The following SPOP variants were observed in gnomAD, a reference collection of about 807,000 sequenced individuals.
The protein encoded by SPOP is speckle type BTB/POZ protein.
A neutral mutation model predicts 45.6 loss-of-function variants in SPOP; 11 were observed. The observed-to-expected ratio is 0.24, with a 90% CI of 0.15 to 0.40. The LOEUF (loss-of-function observed/expected upper bound fraction) is 0.40. Among genes scored for constraint, SPOP ranks in the 10% least tolerant of loss-of-function variants. SPOP has a pLI of 1.00. For synonymous variants in SPOP, 166 were observed against 166.3 expected, an observed-to-expected ratio of 1.00 and a Z score of 0.01; for missense variants, 152 against 465.6, an observed-to-expected ratio of 0.33 and a Z score of 6.20.
chr17:49,661,353 A>C (rs2072985426), intron 1 of SPOP, among the ~76,000 whole-genome samples: 1 of 152,128 alleles, frequency 6.6e-6, no homozygotes, highest in South Asian at 2.1e-4. Flanking sequence ...TATGCTCTTC[A>C]TCATTTTCAG....
intron 1 of SPOP, among the ~76,000 whole-genome samples, chr17:49,626,061 T>G (rs2072324307): frequency 6.6e-6 from 1 of 152,228 alleles, no homozygotes; most frequent in South Asian, 2.1e-4. Context: ...CACACATCTC[T>G]GGTTTATAAT....
At chr17:49,618,406 G>A (rs1395364387) in intron 5 of SPOP, 4 of 369,710 alleles carry the variant, frequency 1.1e-5, no homozygotes, top group African/African-American at 2.1e-5. Flanking sequence ...GGTCACTGGT[G>A]AGAGGACTTT....
intron 1 of SPOP, among the ~76,000 whole-genome samples, chr17:49,667,318 G>A (rs1004153955): frequency 1.3e-5 from 2 of 148,760 alleles, no homozygotes; most frequent in Non-Finnish European, 3.0e-5. Flanking sequence ...GGCCAGGTAC[G>A]GTGGCTCACG....
At chr17:49,632,075 A>G (rs1293165122) in intron 1 of SPOP, among the ~76,000 whole-genome samples, 1 of 152,188 alleles carries the variant, frequency 6.6e-6, no homozygotes, top group Non-Finnish European at 1.5e-5. Context: ...TATTTGTTCA[A>G]TGAAATTTTG....
chr17:49,600,574 A>G lies in SPOP; in HGVS notation c.981-52T>C. The G allele has an allele frequency of 1.2e-6, 2 of 1,606,258 alleles. No homozygotes were observed. ...ACCAAAGGGAGTGAGCAAGGGATGA[A>G]TTCAACAGCCACCTAGATAGCCTAA... On this transcript the variant is annotated intron_variant, in intron 9 of 9. Transcript: ENST00000504102. This position sits in a 1 kb window ranked among gnomAD's most constrained non-coding sequence, Gnocchi z 4.2.
chr17:49,624,325 G>A (rs1443898770), intron 1 of SPOP, among the ~76,000 whole-genome samples: 3 of 94,786 alleles, frequency 3.2e-5, no homozygotes, highest in Non-Finnish European at 4.4e-5. Flanking sequence ...ACACACGCGC[G>A]CGCGCGCACA....
chr17:49,677,030 C>CA (rs1302241929), intron 1 of SPOP, among the ~76,000 whole-genome samples: 8 of 151,580 alleles, frequency 5.3e-5, no homozygotes, highest in Admixed American at 1.3e-4. Flanking sequence ...GATCTTTGAC[C>CA]AAAAAAAAGG....
chr17:49,672,685 G>A (rs555832992), intron 1 of SPOP, among the ~76,000 whole-genome samples: 3 of 152,256 alleles, frequency 2.0e-5, no homozygotes, highest in South Asian at 2.1e-4. Context: ...GGTGGCTCAC[G>A]CTTGTAATCC....
chr17:49,671,234 C>A (rs370353255), intron 1 of SPOP, among the ~76,000 whole-genome samples: 2 of 151,980 alleles, frequency 1.3e-5, no homozygotes, highest in South Asian at 4.2e-4. Context: ...AATTAAAGCA[C>A]CTTTAGTTTT....
At chr17:49,601,594 T>C (rs907693654) in intron 9 of SPOP, 3 of 334,114 alleles carry the variant, frequency 9.0e-6, no homozygotes, top group Non-Finnish European at 1.7e-5. Context: ...GTAAAGATAC[T>C]ATCATTTGGG....
At chr17:49,610,241 C>G (rs2071942356) in intron 6 of SPOP, among the ~76,000 whole-genome samples, 1 of 151,738 alleles carries the variant, frequency 6.6e-6, no homozygotes, top group South Asian at 2.1e-4. Context: ...TCCCCCGAGA[C>G]AGAGTCTTGC....
intron 1 of SPOP, among the ~76,000 whole-genome samples, chr17:49,650,953 A>T (rs1280962243): frequency 6.6e-6 from 1 of 152,228 alleles, no homozygotes; most frequent in East Asian, 1.9e-4. Flanking sequence ...CAGATCAAGG[A>T]ACTGAACCCC....
chr17:49,612,600 T>G (rs2071997272), intron 5 of SPOP, among the ~76,000 whole-genome samples: 1 of 152,224 alleles, frequency 6.6e-6, no homozygotes, highest in Non-Finnish European at 1.5e-5. Flanking sequence ...CTCAGATAAA[T>G]CTGTTAGGGT....
chr17:49,657,468 G>A lies in SPOP; in HGVS notation c.-67+20465C>T, dbSNP rs113160504. Among the ~76,000 whole-genome samples, 401 of 151,850 alleles carry A rather than the reference G, an allele frequency of 2.6e-3. 3 individuals are homozygous for A. The highest frequency in any genetic ancestry group is 9.0e-3 in the African/African-American group (372 of 41,428). On this transcript the variant is annotated intron_variant, in intron 1 of 9. Coordinates refer to ENST00000504102, the MANE Select transcript of SPOP (RefSeq NM_001007228.2). ...GGCTGGAGTACAATGGCGTGATCTC[G>A]GCTCACTGCAACCTCTGCCTCCTGG... is the stretch of plus-strand genomic sequence containing the variant.
chr17:49,611,742 C>T (rs1597913007), intron 5 of SPOP, among the ~76,000 whole-genome samples: 1 of 152,132 alleles, frequency 6.6e-6, no homozygotes, highest in South Asian at 2.1e-4. Flanking sequence ...GACTACAAAC[C>T]TGGGCAAAGG....
At chr17:49,668,724 C>T (rs1352265788) in intron 1 of SPOP, among the ~76,000 whole-genome samples, 2 of 150,852 alleles carry the variant, frequency 1.3e-5, no homozygotes, top group Non-Finnish European at 2.9e-5. Flanking sequence ...TATATACACA[C>T]ATATATATTG....
intron 9 of SPOP, chr17:49,601,610 C>T (rs112342103): frequency 2.6e-6 from 1 of 382,912 alleles, no homozygotes; most frequent in Non-Finnish European, 4.8e-6. Flanking sequence ...TTGGGGCATA[C>T]AGCTTTTTCA....
rs566806762 is a variant in SPOP at position 49,613,832 on chromosome 17, T to C, written c.481-2375A>G. ...GAAAGGGATTGTTTTCCTCTGCAAA[T>C]GATGATGCTAAAATGAGACCATTCT... On this transcript the variant is annotated intron_variant, in intron 5 of 9. Coordinates refer to ENST00000504102, the MANE Select transcript of SPOP (RefSeq NM_001007228.2). 3.3e-5 allele frequency among the ~76,000 whole-genome samples: 5 copies of C among 152,304 alleles called. 1 individual carries two copies. The highest frequency in any genetic ancestry group is 1.2e-4 in the African/African-American group (5 of 41,570).
At chr17:49,654,731 G>A (rs1334770995) in intron 1 of SPOP, among the ~76,000 whole-genome samples, 1 of 152,120 alleles carries the variant, frequency 6.6e-6, no homozygotes, top group Non-Finnish European at 1.5e-5. Context: ...GTTGCAGTGG[G>A]CTGAGATCGC....
Sources: allele counts gnomAD v4.1 joint callset (sites outside exome capture counted in the v4.1 genomes callset), GRCh38; gene constraint gnomAD v4.1.1; non-coding constraint Gnocchi (gnomAD v3.1); transcripts MANE v1.5; gene names NCBI Gene and HGNC (gene_info 2026-07-23, HGNC 2026-07-21).